Variants in THEM4 observed in about 807,000 individuals in gnomAD.
THEM4 encodes the protein acyl-coenzyme A thioesterase THEM4.
THEM4 carries 22 observed loss-of-function variants against 25.0 expected under a neutral mutation model. The observed-to-expected ratio is 0.88, with a 90% confidence interval of 0.63 to 1.26. THEM4 has a LOEUF of 1.26. THEM4 is among the 50% of genes most tolerant of loss of function. The pLI is 0.00. For synonymous variants in THEM4, 113 were observed against 105.6 expected (o/e 1.07, Z -0.43); for missense variants, 286 against 300.3 (o/e 0.95, Z 0.35).
intron 4 of THEM4, among the ~76,000 whole-genome samples, chr1:151,878,779 G>A (rs142213604): frequency 3.0e-4 from 46 of 152,132 alleles, no homozygotes; most frequent in African/African-American, 8.9e-4. Flanking sequence ...GTTTTCCTTC[G>A]TTTAGCTAGA....
Position 151,893,877 on chromosome 1 carries a change from G to T in THEM4, c.286+1131C>A, listed in dbSNP as rs185825556. The stretch of plus-strand genomic sequence containing the variant: ...TTTTTCTCTTTTTTTTTTTGTAGGG[G>T]GGGAGACAGTCTCACTCTGTTGCCC... On this transcript the variant is annotated intron_variant, in intron 2 of 5. Transcript: ENST00000368814. 1.1e-3 allele frequency among the ~76,000 whole-genome samples: 163 copies of T among 151,596 alleles called. 1 individual carries two copies. In the East Asian group the frequency reaches 0.022, roughly 20 times the overall value.
Position 151,908,458 on chromosome 1 carries a change from C to G in THEM4, c.99+902G>C, listed in dbSNP as rs1415003202. On this transcript the variant is annotated intron_variant, in intron 1 of 5. Transcript: ENST00000368814. ...CTTTCTGGTTTGGTATCTGTATGCC[C>G]TTTCGCTATTTGTCGATTCCCCTGC... Among the ~76,000 whole-genome samples, 3 of 152,244 alleles carry G rather than the reference C, an allele frequency of 2.0e-5. No individual in the cohort carries two copies. The East Asian group carries it at 5.8e-4, about 29-fold the overall frequency.
intron 1 of THEM4, among the ~76,000 whole-genome samples, chr1:151,908,870 C>T (rs1486949537): frequency 8.5e-5 from 13 of 152,154 alleles, no homozygotes; most frequent in Admixed American, 7.2e-4. Flanking sequence ...GGGTTTTCTT[C>T]TGCCTGTCTG....
chr1:151,879,659 CTT>C (rs60809136), intron 4 of THEM4, among the ~76,000 whole-genome samples: 14 of 135,376 alleles, frequency 1.0e-4, no homozygotes, highest in Non-Finnish European at 1.4e-4. Context: ...CTTTTCTTTT[CTT>C]TTTTTTTTTT....
chr1:151,902,098 G>T (rs1347319674), intron 1 of THEM4, among the ~76,000 whole-genome samples: 1 of 152,124 alleles, frequency 6.6e-6, no homozygotes, highest in Non-Finnish European at 1.5e-5. Flanking sequence ...ACTCCTGCAA[G>T]AATTGCCATA....
At chr1:151,906,293 G>C (rs1654464400) in intron 1 of THEM4, among the ~76,000 whole-genome samples, 2 of 152,250 alleles carry the variant, frequency 1.3e-5, no homozygotes, top group African/African-American at 4.8e-5. Context: ...AGTGGCTGCA[G>C]AGGGTGTACT....
intron 1 of THEM4, among the ~76,000 whole-genome samples, chr1:151,895,593 C>T (rs1175814700): frequency 1.3e-5 from 2 of 150,986 alleles, no homozygotes; most frequent in Non-Finnish European, 2.9e-5. Context: ...GAGAAGTACT[C>T]ATCTAGGATT....
At chr1:151,877,202 G>T in intron 4 of THEM4, 77 bp from the exon 5 acceptor site, 1 of 1,441,498 alleles carries the variant, frequency 6.9e-7, no homozygotes, top group Non-Finnish European at 9.3e-7. Flanking sequence ...TCAAGTACAT[G>T]ACAAGGGATA....
At chr1:151,884,516 T>C (rs1045856521) in intron 4 of THEM4, among the ~76,000 whole-genome samples, 1 of 152,190 alleles carries the variant, frequency 6.6e-6, no homozygotes, top group African/African-American at 2.4e-5. Context: ...TTTGAGTTTC[T>C]AGCAAATTCA....
chr1:151,895,658 A>G (rs1185897438), intron 1 of THEM4, among the ~76,000 whole-genome samples: 1 of 143,496 alleles, frequency 7.0e-6, no homozygotes, highest in Non-Finnish European at 1.5e-5. Context: ...AGCAGAAATT[A>G]GCCAGCTGGA....
chr1:151,881,164 A>T (rs957544129), intron 4 of THEM4, among the ~76,000 whole-genome samples: 1 of 151,826 alleles, frequency 6.6e-6, no homozygotes, highest in Non-Finnish European at 1.5e-5. Context: ...TTTATTGTAA[A>T]TTTTTATTTT....
rs142281965 is a variant in THEM4 at position 151,882,263 on chromosome 1, C to T, written c.558-5138G>A. ...TGGTGGCATGTGCCTGTAATGTCAGCGACTCAGGAGGCTGAGGCAGGAGAA... is the reference window on the plus strand; with the variant it reads ...TGGTGGCATGTGCCTGTAATGTCAGTGACTCAGGAGGCTGAGGCAGGAGAA... On this transcript the variant is annotated intron_variant, in intron 4 of 5. Coordinates refer to ENST00000368814, the MANE Select transcript of THEM4 (RefSeq NM_053055.5). 3.0e-3 allele frequency among the ~76,000 whole-genome samples: 453 copies of T among 151,316 alleles called. 2 individuals are homozygous for T. Among genetic ancestry groups the T allele is most frequent in the African/African-American group, 0.01 (425 of 41,192 alleles).
chr1:151,888,155 C>A (rs2101722279), intron 4 of THEM4, 118 bp downstream of exon 4: 1 of 693,862 alleles, frequency 1.4e-6, no homozygotes, highest in Non-Finnish European at 2.4e-6. Flanking sequence ...CCTTGCTAGT[C>A]TCCTCTGGGA....
chr1:151,892,721 A>C (rs1458309431), intron 2 of THEM4, among the ~76,000 whole-genome samples: 1 of 152,224 alleles, frequency 6.6e-6, no homozygotes, highest in Non-Finnish European at 1.5e-5. Flanking sequence ...ACAGCTTTAA[A>C]TTGTGGAACC....
chr1:151,887,455 A>T (rs2101721863), intron 4 of THEM4, among the ~76,000 whole-genome samples: 1 of 151,956 alleles, frequency 6.6e-6, no homozygotes, highest in South Asian at 2.1e-4. Flanking sequence ...ATAATAAAAA[A>T]ATTAAAAATA....
At chr1:151,885,603 T>C (rs115847329) in intron 4 of THEM4, among the ~76,000 whole-genome samples, 1,951 of 152,382 alleles carry the variant, frequency 0.013, 18 homozygotes, top group Non-Finnish European at 0.021. Flanking sequence ...GAATGTCCTT[T>C]AGCATTTCTT....
chr1:151,900,475 G>T (rs1008656564), intron 1 of THEM4, among the ~76,000 whole-genome samples: 1 of 152,096 alleles, frequency 6.6e-6, no homozygotes, highest in African/African-American at 2.4e-5. Flanking sequence ...AACTTAAAGG[G>T]TGGAAAAAGG....
rs530573621 is a variant in THEM4, at chr1:151,896,999, C to T, written c.100-1805G>A. Among the ~76,000 whole-genome samples, 19 of 152,318 alleles carry T rather than the reference C, an allele frequency of 1.2e-4. No homozygotes were observed. The South Asian group carries it at 3.5e-3, about 28-fold the overall frequency. On this transcript the variant is annotated intron_variant, in intron 1 of 5. Transcript: ENST00000368814. ...AACCACAACTTCCATCCATCTATTT[C>T]TGTAGCACCAAGCACTGCTATTACT...
chr1:151,891,598 C>A (rs888486552), intron 2 of THEM4, among the ~76,000 whole-genome samples: 1 of 152,052 alleles, frequency 6.6e-6, no homozygotes, highest in African/African-American at 2.4e-5. Context: ...TTCTGAGGGG[C>A]CTTTGAACAA....
Sources: gnomAD v4.1 joint callset for allele counts (sites outside exome capture counted in the v4.1 genomes callset) on GRCh38, gnomAD v4.1.1 for gene constraint, MANE v1.5 for transcripts, NCBI Gene and HGNC (gene_info 2026-07-23, HGNC 2026-07-21) for gene names.